GALNT13: variants seen among roughly 807,000 people sequenced by gnomAD.
GALNT13 encodes UDP-GalNAc:polypeptide N-acetylgalactosaminyltransferase 13.
A neutral mutation model predicts 64.2 loss-of-function variants in GALNT13; 28 were observed. The ratio of observed to expected loss-of-function variants is 0.44; its 90% CI spans 0.32 to 0.60. The LOEUF is 0.60. GALNT13 is among the 20% of genes least tolerant of loss of function. The pLI is 0.05. For synonymous variants in GALNT13, 214 were observed against 224.6 expected (o/e 0.95, Z 0.42); for missense variants, 577 against 669.8 (o/e 0.86, Z 1.53).
chr2:153,632,778 G>A, the GALNT13 span, among the ~76,000 whole-genome samples: 1 of 151,908 alleles, frequency 6.6e-6, no homozygotes, highest in African/African-American at 2.4e-5. Flanking sequence ...TTGAGATGGA[G>A]TCTCACTCTT....
chr2:153,841,588 C>G, the GALNT13 span, among the ~76,000 whole-genome samples: 2 of 151,978 alleles, frequency 1.3e-5, no homozygotes, highest in Non-Finnish European at 2.9e-5. Flanking sequence ...GTGGTCAAAC[C>G]AGGATTTGAG....
the GALNT13 span, among the ~76,000 whole-genome samples, chr2:153,275,500 CA>C: frequency 2.6e-5 from 4 of 152,144 alleles, no homozygotes. Flanking sequence ...AGAAGGCCCT[CA>C]CTAGATGCTA....
the GALNT13 span, among the ~76,000 whole-genome samples, chr2:153,663,128 GT>G: frequency 2.1e-4 from 32 of 152,166 alleles, no homozygotes; most frequent in Admixed American, 3.3e-4. Flanking sequence ...TGCTTTCTTT[GT>G]GAGTAGCTGA....
chr2:154,138,891 C>T (rs1275126472), intron 3 of GALNT13, among the ~76,000 whole-genome samples: 2 of 151,832 alleles, frequency 1.3e-5, no homozygotes, highest in Non-Finnish European at 1.5e-5. Context: ...AAAAATACAC[C>T]TTCTCATAAA....
intron 9 of GALNT13, among the ~76,000 whole-genome samples, chr2:154,343,072 T>A (rs1382942185): frequency 6.6e-6 from 1 of 151,892 alleles, no homozygotes; most frequent in East Asian, 1.9e-4. Context: ...GAATACAAAC[T>A]TGGGTGGATC....
chr2:154,004,622 C>T (rs185473787), intron 3 of GALNT13, among the ~76,000 whole-genome samples: 148 of 152,214 alleles, frequency 9.7e-4, no homozygotes, highest in African/African-American at 3.3e-3. Flanking sequence ...GTGTTTTGAT[C>T]GACAGCTAGT....
At chr2:153,544,102 C>A in the GALNT13 span, among the ~76,000 whole-genome samples, 1 of 151,970 alleles carries the variant, frequency 6.6e-6, no homozygotes, top group East Asian at 1.9e-4. Context: ...GCCTGGTGAT[C>A]GATCATCAGC....
the GALNT13 span, among the ~76,000 whole-genome samples, chr2:153,724,106 C>T: frequency 1.6e-5 from 2 of 127,402 alleles, no homozygotes; most frequent in South Asian, 2.7e-4. Flanking sequence ...CCAAAACAGA[C>T]ATATAGATCA....
chr2:154,107,349 C>T (rs1052856400), intron 3 of GALNT13, among the ~76,000 whole-genome samples: 1 of 152,028 alleles, frequency 6.6e-6, no homozygotes, highest in Non-Finnish European at 1.5e-5. Context: ...GATCCCAGCA[C>T]TTTGGGAGGC....
chr2:154,362,907 G>A (rs937943144), intron 9 of GALNT13, among the ~76,000 whole-genome samples: 17 of 152,046 alleles, frequency 1.1e-4, no homozygotes, highest in Non-Finnish European at 2.4e-4. Context: ...AAGTAATCAC[G>A]TGAGTTTTCA....
the GALNT13 span, among the ~76,000 whole-genome samples, chr2:153,589,036 C>A: frequency 1.3e-5 from 2 of 152,116 alleles, no homozygotes; most frequent in Non-Finnish European, 2.9e-5. Flanking sequence ...CCTGTAATCC[C>A]CGCTACTCGG....
chr2:154,133,580 A>ATATATATATATATATATG (rs1249623892), intron 3 of GALNT13, among the ~76,000 whole-genome samples: 1 of 123,576 alleles, frequency 8.1e-6, no homozygotes, highest in Non-Finnish European at 1.6e-5. Context: ...ATATATATAT[A>ATATATATATATATATATG]TATATCTGAG....
the GALNT13 span, among the ~76,000 whole-genome samples, chr2:153,601,163 C>CTT: frequency 1.9e-4 from 27 of 141,200 alleles, no homozygotes; most frequent in African/African-American, 6.4e-4. Context: ...ATTTAGTAGG[C>CTT]TTTTTTTTTT....
the GALNT13 span, among the ~76,000 whole-genome samples, chr2:153,633,796 C>G: frequency 2.0e-5 from 3 of 152,146 alleles, no homozygotes; most frequent in African/African-American, 7.2e-5. Flanking sequence ...CTTTGGCATC[C>G]TGTATAAAAG....
chr2:154,171,776 GT>G (rs1364856247), intron 4 of GALNT13, among the ~76,000 whole-genome samples: 2 of 152,126 alleles, frequency 1.3e-5, no homozygotes, highest in East Asian at 3.9e-4. Flanking sequence ...CCACTTGAGA[GT>G]TTTGTACTTC....
At chr2:154,450,304 T>A (rs1341590746) in intron 12 of GALNT13, 107 bp from the exon 13 acceptor site, 2 of 949,350 alleles carry the variant, frequency 2.1e-6, no homozygotes, top group Non-Finnish European at 3.2e-6. Flanking sequence ...CACAGTGTAT[T>A]ATACTATAAA....
chr2:153,107,374 T>C, the GALNT13 span, among the ~76,000 whole-genome samples: 1 of 152,128 alleles, frequency 6.6e-6, no homozygotes, highest in African/African-American at 2.4e-5. Context: ...AATGTGTGTT[T>C]CCAGGCTTTT....
At chr2:153,416,035 C>A in the GALNT13 span, among the ~76,000 whole-genome samples, 3 of 152,178 alleles carry the variant, frequency 2.0e-5, no homozygotes, top group South Asian at 6.2e-4. Context: ...ACTAAATCTA[C>A]TGAAATTAGG....
the GALNT13 span, among the ~76,000 whole-genome samples, chr2:153,093,941 T>C: frequency 2.5e-3 from 378 of 152,282 alleles, no homozygotes; most frequent in African/African-American, 8.8e-3. Flanking sequence ...CCTTTTCTTC[T>C]AGATTTTCTA....
Sources: allele counts gnomAD v4.1 joint callset (sites outside exome capture counted in the v4.1 genomes callset), GRCh38; gene constraint gnomAD v4.1.1; transcripts MANE v1.5; gene names NCBI Gene and HGNC (gene_info 2026-07-23, HGNC 2026-07-21).